TC2N: variants seen among roughly 807,000 people sequenced by gnomAD.
The protein encoded by TC2N is tandem C2 domains, nuclear.
In TC2N, 51 loss-of-function variants were observed where a neutral mutation model predicts 61.9. The ratio of observed to expected loss-of-function variants is 0.82; its 90% CI spans 0.66 to 1.04. The LOEUF (loss-of-function observed/expected upper bound fraction) is 1.04. Among genes scored for constraint, TC2N ranks in the 50% least tolerant of loss-of-function variants. The pLI is 0.00. For missense variants in TC2N, 556 were observed against 566.7 expected (o/e 0.98, Z 0.19); for synonymous variants, 204 against 192.6 (o/e 1.06, Z -0.49).
At chr14:91,861,823 G>A (rs149036119) in intron 1 of TC2N, among the ~76,000 whole-genome samples, 25 of 152,250 alleles carry the variant, frequency 1.6e-4, no homozygotes, top group African/African-American at 6.0e-4. Flanking sequence ...CAGAAGGATC[G>A]CTTGAGCCTG....
At chr14:91,823,390 C>T (rs375906669) in intron 1 of TC2N, among the ~76,000 whole-genome samples, 1 of 151,360 alleles carries the variant, frequency 6.6e-6, no homozygotes, top group Non-Finnish European at 1.5e-5. Context: ...CATGGTGGCA[C>T]ATGCCTGTAA....
intron 3 of TC2N, among the ~76,000 whole-genome samples, chr14:91,803,281 T>C (rs2139847689): frequency 6.6e-6 from 1 of 152,046 alleles, no homozygotes; most frequent in East Asian, 1.9e-4. Flanking sequence ...ATAAAGCTTC[T>C]ATATTCAGGT....
Position 91,850,387 on chromosome 14 carries a change from G to A in TC2N, c.-57+16875C>T, listed in dbSNP as rs567702046. On this transcript the variant is annotated intron_variant, in intron 1 of 11. Coordinates refer to ENST00000435962, the MANE Select transcript of TC2N (RefSeq NM_001128596.3). ...AACACAAAAGCATACACTATAAAGC[G>A]GGGGTCCCCAAACCCCAGGCCACGG... Among the ~76,000 whole-genome samples, 182 of 152,132 alleles carry A rather than the reference G, an allele frequency of 1.2e-3. 1 individual carries two copies. The highest frequency in any genetic ancestry group is 1.8e-3 in the Non-Finnish European group (121 of 68,034).
At chr14:91,793,749 GC>G (rs983870250) in intron 8 of TC2N, among the ~76,000 whole-genome samples, 4 of 151,960 alleles carry the variant, frequency 2.6e-5, no homozygotes, top group African/African-American at 9.7e-5. Flanking sequence ...CTCTCCTCAG[GC>G]CTCCCTGTTT....
In TC2N at chr14:91,798,186, C is replaced by T. The variant is rs1448035840; in HGVS notation, c.738+113G>A. The T allele has an allele frequency of 8.4e-6, 5 of 594,134 alleles. No homozygotes were observed. In the African/African-American group the frequency reaches 9.9e-5, roughly 12 times the overall value. The allele number at this position is 594,134 out of a possible 1,614,324, so 36.8% of individuals were successfully genotyped here. A position where few individuals can be genotyped will look rare whatever the true frequency, so the allele number is the denominator to read the frequency against. On this transcript the variant is annotated intron_variant, in intron 7 of 11. Transcript: ENST00000435962. ...TTTCTGTAAAAATATTAAAGAATTCCAAATGTCAAAGGTGGCATTGGCCCA... is the reference window on the plus strand; with the variant it reads ...TTTCTGTAAAAATATTAAAGAATTCTAAATGTCAAAGGTGGCATTGGCCCA...
Position 91,792,386 on chromosome 14 carries a change from G to A in TC2N, c.1028C>T (p.Thr343Ile). ...GCTTACAGAAATTTTTGAAGGTGGTGTTATATCCAAAGAGTAATCCATTTC... is the reference window on the plus strand; with the variant it reads ...GCTTACAGAAATTTTTGAAGGTGGTATTATATCCAAAGAGTAATCCATTTC... Reference protein sequence around the residue: ...TQEMDYSLDITPPSKISVCHA... With the variant: ...TQEMDYSLDIIPPSKISVCHA... The change falls in exon 9 of 12, where the codon ACA becomes ATA. Residue 343 changes from threonine (T) to isoleucine (I), a missense_variant. By Grantham distance (89) the Thr-to-Ile change is moderately conservative (BLOSUM62 -1). Transcript: ENST00000435962. The A allele has an allele frequency of 1.9e-6, 3 of 1,595,842 alleles. No homozygotes were observed. Among genetic ancestry groups the A allele is most frequent in the Non-Finnish European group, 2.6e-6 (3 of 1,170,494 alleles).
intron 1 of TC2N, among the ~76,000 whole-genome samples, chr14:91,839,355 A>T (rs1313754805): frequency 6.6e-6 from 1 of 152,208 alleles, no homozygotes; most frequent in Non-Finnish European, 1.5e-5. Context: ...CTAGACAATG[A>T]AACCCCACAA....
At chr14:91,860,010 G>A (rs1239288851) in intron 1 of TC2N, among the ~76,000 whole-genome samples, 1 of 152,156 alleles carries the variant, frequency 6.6e-6, no homozygotes, top group Non-Finnish European at 1.5e-5. Flanking sequence ...CTTAACCTGT[G>A]GGCAGAGGGA....
At chr14:91,795,862 T>G (rs1046049863) in intron 8 of TC2N, among the ~76,000 whole-genome samples, 1 of 152,116 alleles carries the variant, frequency 6.6e-6, no homozygotes, top group Non-Finnish European at 1.5e-5. Flanking sequence ...TCACAACTAC[T>G]GAGCTATCTT....
chr14:91,834,618 T>TAA lies in TC2N; in HGVS notation c.-56-20794_-56-20793insTT, dbSNP rs1228993475. On this transcript the variant is annotated intron_variant, in intron 1 of 11. Transcript: ENST00000435962. Reference sequence around the variant, plus strand: ...TTCATTCAAACTTGGCTTCTACCCTTACACTGTACTTAAATTATGTCTGCT... The same window carrying TAA: ...TTCATTCAAACTTGGCTTCTACCCTTAAACACTGTACTTAAATTATGTCTGCT... 6.6e-5 allele frequency among the ~76,000 whole-genome samples: 10 copies of TAA among 152,298 alleles called. No individual in the cohort carries two copies. In the East Asian group the frequency reaches 1.9e-3, roughly 29 times the overall value.
At chr14:91,785,104 TTAAC>T in intron 11 of TC2N, 54 bp downstream of exon 11, 1 of 1,213,700 alleles carries the variant, frequency 8.2e-7, no homozygotes, top group Non-Finnish European at 1.2e-6. Flanking sequence ...ATTCCCTTTG[TTAAC>T]TGACTGTTTA....
chr14:91,867,159 C>T (rs565492929), intron 1 of TC2N, 103 bp downstream of exon 1: 67 of 152,254 alleles, frequency 4.4e-4, no homozygotes, highest in African/African-American at 1.6e-3. Context: ...CTTAAAGACT[C>T]GGATCTGGTT....
rs1472100546 is a variant in TC2N, at chr14:91,786,535, T to C, written c.1162+978A>G. On this transcript the variant is annotated intron_variant, in intron 10 of 11. Coordinates refer to ENST00000435962, the MANE Select transcript of TC2N (RefSeq NM_001128596.3). ...TATTAGAGGCAGTTCTTTAACTACC[T>C]TTTCATGCTTATTCTTTTATTCGGA... Among the ~76,000 whole-genome samples the C allele has an allele frequency of 2.6e-5, 4 of 152,230 alleles. No homozygotes were observed. In the East Asian group the frequency reaches 5.8e-4, roughly 22 times the overall value.
Position 91,792,482 on chromosome 14 carries a change from A to T in TC2N, c.932T>A (p.Ile311Asn). The T allele has an allele frequency of 6.2e-7, 1 of 1,611,062 alleles. No individual in the cohort carries two copies. Among genetic ancestry groups the T allele is most frequent in the Non-Finnish European group, 8.5e-7 (1 of 1,177,850 alleles). The change falls in exon 9 of 12, where the codon ATT becomes AAT. Residue 311 changes from isoleucine (I) to asparagine (N), a missense_variant. Physicochemically the swap from Ile to Asn is moderately radical, Grantham distance 149 (BLOSUM62 -3). Coordinates refer to ENST00000435962, the MANE Select transcript of TC2N (RefSeq NM_001128596.3). Reference protein sequence around the residue: ...NLQTVRLVFKIQTQTPRKKTI... With the variant: ...NLQTVRLVFKNQTQTPRKKTI... ...TTTCTTCCTGGGAGTCTGGGTTTGA[A>T]TCTTAAATACAAGTCTTACAGTTTG... is the stretch of plus-strand genomic sequence containing the variant.
At chr14:91,863,418 A>T (rs1484865863) in intron 1 of TC2N, among the ~76,000 whole-genome samples, 2 of 152,226 alleles carry the variant, frequency 1.3e-5, no homozygotes, top group Non-Finnish European at 2.9e-5. Flanking sequence ...CTTATAAGCA[A>T]GGGTTTCTAA....
At chr14:91,816,147 G>T (rs1362150031) in intron 1 of TC2N, among the ~76,000 whole-genome samples, 1 of 151,770 alleles carries the variant, frequency 6.6e-6, no homozygotes, top group East Asian at 1.9e-4. Context: ...GATTCCTAGA[G>T]ATAAGACTAT....
chr14:91,833,962 A>G (rs1365200699), intron 1 of TC2N, among the ~76,000 whole-genome samples: 2 of 152,300 alleles, frequency 1.3e-5, no homozygotes, highest in South Asian at 2.1e-4. Context: ...CTGAAGTGAA[A>G]CTCATTATAC....
At chr14:91,862,447 C>T (rs1355045819) in intron 1 of TC2N, among the ~76,000 whole-genome samples, 1 of 152,172 alleles carries the variant, frequency 6.6e-6, no homozygotes, top group Non-Finnish European at 1.5e-5. Context: ...ATCTGCCTTC[C>T]TCTTGGTTTT....
rs1412604660 is a variant in TC2N, at chr14:91,787,522, G to A, written c.1153C>T (p.Leu385=). 2 of 1,603,458 alleles carry A rather than the reference G, an allele frequency of 1.2e-6. No individual in the cohort carries two copies. The highest frequency in any genetic ancestry group is 1.7e-6 in the Non-Finnish European group (2 of 1,173,364). Residue 385 remains leucine, a synonymous_variant, in exon 10 of 12, where the codon CTG becomes TTG. Transcript: ENST00000435962. The stretch of plus-strand genomic sequence containing the variant: ...CCACTGATATACTTACTCAAAGTCA[G>A]AGGTGTTGATGAGCTTGGAAGGTAC... ...ARYLPSSSTP[L]TLSFFVKVGM... is the part of the protein sequence containing the mutation.
Sources: allele counts gnomAD v4.1 joint callset (sites outside exome capture counted in the v4.1 genomes callset), GRCh38; gene constraint gnomAD v4.1.1; transcripts MANE v1.5; gene names NCBI Gene and HGNC (gene_info 2026-07-23, HGNC 2026-07-21).